The following ERBIN variants were observed in gnomAD, a reference collection of about 807,000 sequenced individuals.
The protein encoded by ERBIN is erbb2 interacting protein, also known as densin-180-like protein.
In ERBIN, 60 loss-of-function variants were observed where a neutral mutation model predicts 158.4. The ratio of observed to expected loss-of-function variants is 0.38; its 90% CI spans 0.31 to 0.47. ERBIN has a LOEUF of 0.47. Ranked by LOEUF, ERBIN falls within the 20% of genes least tolerant of loss-of-function variation. The pLI, the probability that ERBIN is intolerant of heterozygous loss-of-function variation, is 0.99. For missense variants in ERBIN, 1,610 were observed against 1,648.0 expected, an observed-to-expected ratio of 0.98 and a Z score of 0.40; for synonymous variants, 594 against 557.2, an observed-to-expected ratio of 1.07 and a Z score of -0.93.
chr5:66,021,558 A>AC (rs1755689444), intron 8 of ERBIN, among the ~76,000 whole-genome samples, 173 bp downstream of exon 8: 1 of 152,118 alleles, frequency 6.6e-6, no homozygotes, highest in South Asian at 2.1e-4. Context: ...AATTAACCAG[A>AC]CAGATGAACT....
intron 11 of ERBIN, 103 bp from the exon 12 acceptor site, chr5:66,025,745 T>C: frequency 1.0e-6 from 1 of 970,750 alleles, no homozygotes; most frequent in South Asian, 2.0e-5. Flanking sequence ...ATGGTTTCAC[T>C]AGGTTTTCAA....
At chr5:65,964,410 C>A (rs1444095346) in intron 1 of ERBIN, among the ~76,000 whole-genome samples, 1 of 152,200 alleles carries the variant, frequency 6.6e-6, no homozygotes, top group African/African-American at 2.4e-5. Flanking sequence ...CATGTACATA[C>A]CTTGACTGTG....
chr5:65,974,617 T>C (rs1407573711), intron 1 of ERBIN, among the ~76,000 whole-genome samples: 1 of 152,258 alleles, frequency 6.6e-6, no homozygotes, highest in African/African-American at 2.4e-5. Flanking sequence ...CTGTAGGTCA[T>C]TCTCTAGACA....
At chr5:66,052,295 A>G (rs1213668973) in intron 20 of ERBIN, among the ~76,000 whole-genome samples, 1 of 152,098 alleles carries the variant, frequency 6.6e-6, no homozygotes, top group Non-Finnish European at 1.5e-5. Context: ...AATTTCAGGC[A>G]TATTTAAGTA....
chr5:66,058,047 C>A (rs1246197367), intron 21 of ERBIN, among the ~76,000 whole-genome samples: 1 of 152,104 alleles, frequency 6.6e-6, no homozygotes, highest in Non-Finnish European at 1.5e-5. Context: ...TAGGTATATA[C>A]CCAGTAATGG....
At position 66,054,955 on chromosome 5, in the gene ERBIN, ATTGAACATGAGTT is replaced by A. The variant is rs753454586; in HGVS notation, c.3633+7_3633+19del. On this transcript the variant is annotated splice_donor_5th_base_variant and intron_variant, in intron 21 of 25. Coordinates refer to ENST00000284037, the MANE Select transcript of ERBIN (RefSeq NM_001253697.2). ...TGAAGCCAAAAAGTTAGAAAAGGTA[ATTGAACATGAGTT>A]TTTCATTATTTTCTTTATGAACTTA... is the stretch of plus-strand genomic sequence containing the variant. 3.9e-5 allele frequency: 60 copies of A among 1,558,144 alleles called. No individual in the cohort carries two copies. The Middle Eastern group carries it at 5.4e-4, about 14-fold the overall frequency.
intron 1 of ERBIN, among the ~76,000 whole-genome samples, chr5:65,954,036 C>T (rs1746812345): frequency 6.6e-6 from 1 of 152,090 alleles, no homozygotes; most frequent in Admixed American, 6.5e-5. Context: ...CTACCCGCTA[C>T]CCCTTTTAAA....
chr5:66,051,894 C>CA (rs35074022), intron 20 of ERBIN, among the ~76,000 whole-genome samples: 107,921 of 138,816 alleles, frequency 0.78, 41,999 homozygotes, highest in Non-Finnish European at 0.85. Flanking sequence ...GGCCTTGTCT[C>CA]AAAAAAAAAA....
chr5:66,023,805 A>G (rs1054393507), intron 9 of ERBIN, among the ~76,000 whole-genome samples: 2 of 151,478 alleles, frequency 1.3e-5, no homozygotes, highest in African/African-American at 4.9e-5. Context: ...CCTCCTGAGT[A>G]GCTGGGACTA....
intron 18 of ERBIN, among the ~76,000 whole-genome samples, chr5:66,048,341 AATT>A (rs931161669): frequency 3.3e-5 from 5 of 151,992 alleles, no homozygotes; most frequent in Non-Finnish European, 5.9e-5. Flanking sequence ...GTGTTACTCT[AATT>A]CATAGAGCTA....
intron 21 of ERBIN, among the ~76,000 whole-genome samples, chr5:66,058,448 T>G (rs1261781076): frequency 6.6e-6 from 1 of 151,948 alleles, no homozygotes; most frequent in Non-Finnish European, 1.5e-5. Context: ...CTTTGTCAGA[T>G]GAGTAGGTTG....
chr5:65,988,592 C>G (rs1040830295), intron 1 of ERBIN, 43 bp from the exon 2 acceptor site: 1 of 151,978 alleles, frequency 6.6e-6, no homozygotes, highest in African/African-American at 2.4e-5. Context: ...TCATAAAGAT[C>G]CGTTTTTATT....
chr5:65,989,370 G>A (rs1751615306), intron 2 of ERBIN, among the ~76,000 whole-genome samples: 1 of 152,084 alleles, frequency 6.6e-6, no homozygotes, highest in Non-Finnish European at 1.5e-5. Flanking sequence ...TATAGATTTG[G>A]TGTTCGTTTT....
chr5:66,026,059 C>A, intron 12 of ERBIN, 82 bp downstream of exon 12: 1 of 1,169,560 alleles, frequency 8.6e-7, no homozygotes, highest in South Asian at 1.6e-5. Flanking sequence ...AGTGTGGCTT[C>A]ATTTATTTTC....
At chr5:65,939,519 T>C (rs1427236528) in intron 1 of ERBIN, among the ~76,000 whole-genome samples, 1 of 139,998 alleles carries the variant, frequency 7.1e-6, no homozygotes, top group Non-Finnish European at 1.5e-5. Flanking sequence ...CCTCTCCCTC[T>C]CCCTTTCCCT....
At chr5:66,042,165 G>A (rs1757974622) in intron 15 of ERBIN, among the ~76,000 whole-genome samples, 1 of 151,864 alleles carries the variant, frequency 6.6e-6, no homozygotes, top group African/African-American at 2.4e-5. Flanking sequence ...GAGTTTCTGG[G>A]GTTCTTTAAA....
At chr5:65,940,644 T>TA (rs1554044282) in intron 1 of ERBIN, among the ~76,000 whole-genome samples, 5 of 13,394 alleles carry the variant, frequency 3.7e-4, no homozygotes, top group Non-Finnish European at 6.4e-4. Flanking sequence ...GGGAGGGAGG[T>TA]GGGGGGTCAG....
chr5:65,985,098 T>C (rs115606928), intron 1 of ERBIN, among the ~76,000 whole-genome samples: 1 of 152,294 alleles, frequency 6.6e-6, no homozygotes, highest in South Asian at 2.1e-4. Context: ...ATGACATTTT[T>C]TTGTTGTTGG....
chr5:65,989,784 G>A (rs1029216236), intron 2 of ERBIN, among the ~76,000 whole-genome samples: 1 of 152,142 alleles, frequency 6.6e-6, no homozygotes, highest in African/African-American at 2.4e-5. Flanking sequence ...TTAATACTAA[G>A]TGTAAATAGC....
Sources: gnomAD v4.1 joint callset for allele counts (sites outside exome capture counted in the v4.1 genomes callset) on GRCh38, gnomAD v4.1.1 for gene constraint, MANE v1.5 for transcripts, NCBI Gene and HGNC (gene_info 2026-07-23, HGNC 2026-07-21) for gene names.